Variants in SNX7 observed in about 807,000 individuals in gnomAD.
The protein encoded by SNX7 is sorting nexin-7.
Under a neutral mutation model 48.4 loss-of-function variants are expected in SNX7, and 35 were observed. That is an observed-to-expected ratio of 0.72 (90% CI 0.55 to 0.96). SNX7 has a LOEUF of 0.96. SNX7 is among the 40% of genes least tolerant of loss of function. The pLI is 0.00. For missense variants in SNX7, 553 were observed against 548.9 expected (o/e 1.01, Z -0.07); for synonymous variants, 190 against 190.2 (o/e 1.00, Z 0.01).
chr1:98,729,232 T>C (rs1394356653), intron 7 of SNX7, among the ~76,000 whole-genome samples: 1 of 152,078 alleles, frequency 6.6e-6, no homozygotes, highest in Admixed American at 6.6e-5. Flanking sequence ...CAAGAAGTTC[T>C]TTGAACAAAG....
intron 7 of SNX7, among the ~76,000 whole-genome samples, chr1:98,704,890 T>C (rs1651937888): frequency 6.6e-6 from 1 of 152,136 alleles, no homozygotes; most frequent in African/African-American, 2.4e-5. Context: ...AAGCAAAGAT[T>C]AGAGGAGTTA....
chr1:98,696,231 A>G (rs1452644501), intron 5 of SNX7, among the ~76,000 whole-genome samples: 1 of 151,064 alleles, frequency 6.6e-6, no homozygotes, highest in Admixed American at 6.6e-5. Flanking sequence ...TAATCACGTG[A>G]TGATTTTTTC....
Position 98,701,915 on chromosome 1 carries a change from A to C in SNX7, c.1125+12A>C, listed in dbSNP as rs1286135423. On this transcript the variant is annotated intron_variant, in intron 7 of 8. Transcript: ENST00000306121. ...CAGATACTGATCTGGTAAGTTTTTA[A>C]GTTTCTTGATACAATCATATAGAAT... The C allele has an allele frequency of 1.3e-6, 2 of 1,579,720 alleles. No individual in the cohort carries two copies. Among genetic ancestry groups the C allele is most frequent in the African/African-American group, 1.4e-5 (1 of 73,928 alleles).
intron 8 of SNX7, among the ~76,000 whole-genome samples, chr1:98,751,613 A>G (rs76843617): frequency 3.4e-4 from 52 of 152,180 alleles, no homozygotes; most frequent in African/African-American, 1.2e-3. Flanking sequence ...GATTTGTGAT[A>G]AGCTTTTTTT....
At chr1:98,724,101 G>A (rs1405200709) in intron 7 of SNX7, among the ~76,000 whole-genome samples, 1 of 151,908 alleles carries the variant, frequency 6.6e-6, no homozygotes, top group Non-Finnish European at 1.5e-5. Context: ...ATCAGGCTGG[G>A]GCAGTTCTTA....
intron 8 of SNX7, among the ~76,000 whole-genome samples, chr1:98,753,927 C>A (rs960198506): frequency 1.3e-5 from 2 of 151,964 alleles, no homozygotes; most frequent in Non-Finnish European, 2.9e-5. Flanking sequence ...GTTTATGAAA[C>A]TGAGTTTTAA....
chr1:98,683,843 T>C (rs1650636459), intron 1 of SNX7, among the ~76,000 whole-genome samples: 1 of 152,164 alleles, frequency 6.6e-6, no homozygotes, highest in Admixed American at 6.5e-5. Context: ...TGCAGGACTT[T>C]CACTTGATAT....
intron 1 of SNX7, among the ~76,000 whole-genome samples, chr1:98,674,370 G>A (rs183540772): frequency 1.7e-4 from 26 of 152,274 alleles, no homozygotes; most frequent in Non-Finnish European, 3.2e-4. Flanking sequence ...TCTGAGGGCC[G>A]TGAGAGAGGG....
At chr1:98,707,307 T>A (rs575290495) in intron 7 of SNX7, among the ~76,000 whole-genome samples, 1 of 152,322 alleles carries the variant, frequency 6.6e-6, no homozygotes, top group South Asian at 2.1e-4. Flanking sequence ...TAATTTGATA[T>A]ATGATAATTA....
chr1:98,662,798 C>G (rs1364752365), intron 1 of SNX7: 4 of 1,289,200 alleles, frequency 3.1e-6, no homozygotes, highest in Middle Eastern at 2.1e-4. Flanking sequence ...TTCATTTTAA[C>G]GTTACCTGGA....
At chr1:98,726,660 T>C (rs201788632) in intron 7 of SNX7, among the ~76,000 whole-genome samples, 1 of 82,964 alleles carries the variant, frequency 1.2e-5, no homozygotes, top group African/African-American at 4.1e-5. Context: ...TTTAAGGGGA[T>C]TTTTTTTGGA....
intron 6 of SNX7, among the ~76,000 whole-genome samples, chr1:98,699,542 A>G (rs1473457084): frequency 6.6e-6 from 1 of 152,154 alleles, no homozygotes; most frequent in Non-Finnish European, 1.5e-5. Flanking sequence ...ACAATACTTT[A>G]CACAGGCAAA....
At chr1:98,730,422 G>C (rs1162092549) in intron 7 of SNX7, among the ~76,000 whole-genome samples, 1 of 152,064 alleles carries the variant, frequency 6.6e-6, no homozygotes, top group Non-Finnish European at 1.5e-5. Flanking sequence ...AGTCAGGCAA[G>C]AGAAGGAAAT....
chr1:98,700,461 T>G (rs896725176), intron 6 of SNX7, among the ~76,000 whole-genome samples: 1 of 152,212 alleles, frequency 6.6e-6, no homozygotes, highest in East Asian at 1.9e-4. Flanking sequence ...TATTTAAACA[T>G]TGAGGTAAAT....
chr1:98,674,668 A>T (rs553891910), intron 1 of SNX7, among the ~76,000 whole-genome samples: 2 of 152,206 alleles, frequency 1.3e-5, no homozygotes, highest in African/African-American at 4.8e-5. Context: ...CTTATAATAA[A>T]CCCCGAGTAA....
intron 8 of SNX7, among the ~76,000 whole-genome samples, chr1:98,741,651 T>C (rs1654076093): frequency 1.3e-5 from 2 of 152,250 alleles, no homozygotes; most frequent in African/African-American, 2.4e-5. Flanking sequence ...TCAAAGTATA[T>C]TGATACCCAA....
At chr1:98,676,019 A>C (rs1227225210) in intron 1 of SNX7, among the ~76,000 whole-genome samples, 1 of 152,142 alleles carries the variant, frequency 6.6e-6, no homozygotes, top group African/African-American at 2.4e-5. Context: ...TTGGAAAATA[A>C]AGAAAATCAC....
At chr1:98,692,535 T>G (rs1651197292) in intron 4 of SNX7, among the ~76,000 whole-genome samples, 1 of 152,070 alleles carries the variant, frequency 6.6e-6, no homozygotes, top group African/African-American at 2.4e-5. Context: ...TTTATAGTAT[T>G]GCACTAAACA....
intron 1 of SNX7, among the ~76,000 whole-genome samples, chr1:98,683,939 A>G (rs181466708): frequency 6.6e-6 from 1 of 152,292 alleles, no homozygotes. Flanking sequence ...GTGTTCTACC[A>G]AATTGGGGTG....
Sources: gnomAD v4.1 joint callset for allele counts (sites outside exome capture counted in the v4.1 genomes callset) on GRCh38, gnomAD v4.1.1 for gene constraint, MANE v1.5 for transcripts, NCBI Gene and HGNC (gene_info 2026-07-23, HGNC 2026-07-21) for gene names.